The following PCMTD1 variants were observed in gnomAD, a reference collection of about 807,000 sequenced individuals.
The protein encoded by PCMTD1 is protein-L-isoaspartate O-methyltransferase domain-containing protein 1.
PCMTD1 carries 12 observed loss-of-function variants against 37.6 expected under a neutral mutation model. That is an observed-to-expected ratio of 0.32 (90% CI 0.20 to 0.52). PCMTD1 has a LOEUF of 0.52. Ranked by LOEUF, PCMTD1 falls within the 20% of genes least tolerant of loss-of-function variation. The probability of loss-of-function intolerance (pLI) is 0.97; values close to 1 mark genes in which losing one functional copy is unlikely to be tolerated. For synonymous variants in PCMTD1, 117 were observed against 135.8 expected (o/e 0.86, Z 0.96); for missense variants, 235 against 421.3 (o/e 0.56, Z 3.87).
At chr8:51,887,067 G>A (rs2038874883) in intron 1 of PCMTD1, among the ~76,000 whole-genome samples, 1 of 151,422 alleles carries the variant, frequency 6.6e-6, no homozygotes, top group Non-Finnish European at 1.5e-5. Flanking sequence ...CTCTCGCTCT[G>A]CCTCCTCCTT....
intron 2 of PCMTD1, among the ~76,000 whole-genome samples, chr8:51,858,163 T>C (rs971831040): frequency 6.6e-6 from 1 of 152,202 alleles, no homozygotes; most frequent in Admixed American, 6.5e-5. Flanking sequence ...TGAATTTGTT[T>C]CTGGATTTGT....
intron 2 of PCMTD1, chr8:51,849,666 T>G (rs2038276226): frequency 6.3e-6 from 1 of 158,508 alleles, no homozygotes; most frequent in Non-Finnish European, 1.4e-5. Flanking sequence ...GCTTTCAAGT[T>G]TTCAAATCAC....
chr8:51,864,861 A>G (rs1229736472), intron 1 of PCMTD1, among the ~76,000 whole-genome samples: 2 of 152,076 alleles, frequency 1.3e-5, no homozygotes. Flanking sequence ...AGAAATAGAT[A>G]AAATAGAAAA....
intron 1 of PCMTD1, among the ~76,000 whole-genome samples, chr8:51,880,653 G>C (rs2038778359): frequency 6.6e-6 from 1 of 152,108 alleles, no homozygotes; most frequent in Non-Finnish European, 1.5e-5. Flanking sequence ...TGTCCAACCT[G>C]AATCCTTACT....
chr8:51,897,907 A>T (rs1380222780), intron 1 of PCMTD1, among the ~76,000 whole-genome samples: 1 of 152,132 alleles, frequency 6.6e-6, no homozygotes, highest in Non-Finnish European at 1.5e-5. Flanking sequence ...TATGATCCCA[A>T]TCTTGTTTCT....
intron 1 of PCMTD1, among the ~76,000 whole-genome samples, chr8:51,862,453 T>C (rs1338887202): frequency 1.3e-5 from 2 of 152,002 alleles, no homozygotes; most frequent in Non-Finnish European, 2.9e-5. Flanking sequence ...TTGAGAAAAC[T>C]AAAAAAATTT....
chr8:51,885,108 C>T (rs780484583), intron 1 of PCMTD1, among the ~76,000 whole-genome samples: 11 of 152,202 alleles, frequency 7.2e-5, no homozygotes, highest in South Asian at 4.1e-4. Flanking sequence ...CACAAGCCAC[C>T]GAAATAAAGA....
chr8:51,833,800 A>C, intron 3 of PCMTD1, 111 bp from the exon 4 acceptor site: 2 of 679,006 alleles, frequency 2.9e-6, no homozygotes, highest in Non-Finnish European at 4.6e-6. Context: ...AATTATAAGG[A>C]TAAAATGATT....
At chr8:51,863,484 A>T (rs866377501) in intron 1 of PCMTD1, among the ~76,000 whole-genome samples, 12 of 152,218 alleles carry the variant, frequency 7.9e-5, no homozygotes, top group African/African-American at 2.9e-4. Context: ...TAGCTCATTA[A>T]AAATTACTAT....
intron 1 of PCMTD1, among the ~76,000 whole-genome samples, chr8:51,863,410 A>G (rs1305307704): frequency 1.3e-5 from 2 of 152,216 alleles, no homozygotes; most frequent in Non-Finnish European, 2.9e-5. Context: ...AAAAGGCAAG[A>G]AGAAGAATGA....
At chr8:51,889,798 A>G (rs1160378821) in intron 1 of PCMTD1, among the ~76,000 whole-genome samples, 1 of 152,092 alleles carries the variant, frequency 6.6e-6, no homozygotes, top group Non-Finnish European at 1.5e-5. Context: ...AATGTCATTT[A>G]TATTAGATTC....
At chr8:51,897,442 A>G (rs183897596) in intron 1 of PCMTD1, among the ~76,000 whole-genome samples, 17 of 152,070 alleles carry the variant, frequency 1.1e-4, no homozygotes, top group Non-Finnish European at 1.8e-4. Flanking sequence ...TTTCCTTCAC[A>G]TATTAGCTAC....
At chr8:51,820,981 G>A (rs2037839765) in intron 5 of PCMTD1, among the ~76,000 whole-genome samples, 1 of 152,136 alleles carries the variant, frequency 6.6e-6, no homozygotes, top group Non-Finnish European at 1.5e-5. Context: ...TTCTCTGGAA[G>A]CATAAGAATT....
intron 1 of PCMTD1, among the ~76,000 whole-genome samples, chr8:51,862,056 C>CAGTATAGTAT (rs1006162514): frequency 6.6e-6 from 1 of 151,518 alleles, no homozygotes; most frequent in African/African-American, 2.4e-5. Flanking sequence ...CTTTATAGTA[C>CAGTATAGTAT]AGTATAGTAT....
chr8:51,855,645 C>T (rs999753582), intron 2 of PCMTD1, among the ~76,000 whole-genome samples: 2 of 151,774 alleles, frequency 1.3e-5, no homozygotes, highest in Non-Finnish European at 2.9e-5. Context: ...TATACAGAAA[C>T]CTTGATACCT....
At chr8:51,854,878 CAAA>C (rs1264955870) in intron 2 of PCMTD1, among the ~76,000 whole-genome samples, 2 of 112,930 alleles carry the variant, frequency 1.8e-5, no homozygotes. Flanking sequence ...AGACTTGTCT[CAAA>C]AAAAAAAAAA....
intron 1 of PCMTD1, among the ~76,000 whole-genome samples, chr8:51,890,343 A>C (rs1342108948): frequency 3.3e-5 from 5 of 152,200 alleles, no homozygotes; most frequent in Non-Finnish European, 7.4e-5. Context: ...TTGAAACTAA[A>C]ATTAGAGTGA....
chr8:51,885,856 T>C (rs1457561476), intron 1 of PCMTD1, among the ~76,000 whole-genome samples: 3 of 152,214 alleles, frequency 2.0e-5, no homozygotes, highest in Admixed American at 6.5e-5. Context: ...AGGTTATATG[T>C]GTTTTGGAAA....
chr8:51,827,033 T>C, intron 5 of PCMTD1: 1 of 971,484 alleles, frequency 1.0e-6, no homozygotes, highest in Non-Finnish European at 1.2e-6. Flanking sequence ...AGTCGCGTTC[T>C]TTCATATTTT....
Sources: gnomAD v4.1 joint callset for allele counts (sites outside exome capture counted in the v4.1 genomes callset) on GRCh38, gnomAD v4.1.1 for gene constraint, MANE v1.5 for transcripts, NCBI Gene and HGNC (gene_info 2026-07-23, HGNC 2026-07-21) for gene names.